FOXA3: variants seen among roughly 807,000 people sequenced by gnomAD.
FOXA3 encodes the protein hepatocyte nuclear factor 3-gamma.
In FOXA3, 11 loss-of-function variants were observed where a neutral mutation model predicts 16.9. The observed-to-expected ratio is 0.65, with a 90% confidence interval of 0.41 to 1.08. The LOEUF is 1.08. FOXA3 is among the 50% of genes least tolerant of loss of function. FOXA3 has a pLI of 0.00. For synonymous variants in FOXA3, 217 were observed against 203.3 expected, an observed-to-expected ratio of 1.07 and a Z score of -0.57; for missense variants, 423 against 470.1, an observed-to-expected ratio of 0.90 and a Z score of 0.93.
rs745900495 is a variant in FOXA3 at position 45,864,451 on chromosome 19, C to T, written c.-6C>T. ...GCGGGGGCGGGTGGGGGCGTAAGCC[C>T]GGGGGATGCTGGGCTCAGTGAAGAT... On this transcript the variant is annotated 5_prime_UTR_variant, in exon 1 of 2. Coordinates refer to ENST00000302177, the MANE Select transcript of FOXA3 (RefSeq NM_004497.3). 30 of 1,457,120 alleles carry T rather than the reference C, an allele frequency of 2.1e-5. No homozygotes were observed. Among genetic ancestry groups the T allele is most frequent in the Non-Finnish European group, 2.7e-5 (29 of 1,092,352 alleles). The allele number at this position is 1,457,120 out of a possible 1,614,324, so 90.3% of individuals were successfully genotyped here. A position where few individuals can be genotyped will look rare whatever the true frequency, so the allele number is the denominator to read the frequency against.
rs1966923619 is a variant in FOXA3, at chr19:45,872,861, C to T, written c.856C>T (p.Leu286=). 1.2e-6 allele frequency: 2 copies of T among 1,613,942 alleles called. No homozygotes were observed. The highest frequency in any genetic ancestry group is 1.7e-6 in the Non-Finnish European group (2 of 1,180,024). Residue 286 remains leucine (L), a synonymous_variant, in exon 2 of 2, where the codon CTG becomes TTG. Transcript: ENST00000302177. The surrounding 1 kb of genome is among the most constrained non-coding windows in gnomAD (Gnocchi z 4.5). ...TTCCTCCACACCCTATTTCACTGGC[C>T]TGGAGCTCCCAGGGGAGCTGAAGCT... is the stretch of plus-strand genomic sequence containing the variant. ...PASSTPYFTG[L]ELPGELKLDA... is the part of the protein sequence containing the mutation.
Position 45,864,483 on chromosome 19 carries a change from C to A in FOXA3, c.27C>A (p.Ala9=). The change falls in exon 1 of 2, where the codon GCC becomes GCA. Residue 9 remains alanine, a synonymous_variant. Coordinates refer to ENST00000302177, the MANE Select transcript of FOXA3 (RefSeq NM_004497.3). ...TGCTGGGCTCAGTGAAGATGGAGGC[C>A]CATGACCTGGCCGAGTGGAGCTACT... The part of the protein sequence containing the change: MLGSVKME[A]HDLAEWSYYP... 1 of 1,540,894 alleles carries A rather than the reference C, an allele frequency of 6.5e-7. No homozygotes were observed. The highest frequency in any genetic ancestry group is 8.8e-7 in the Non-Finnish European group (1 of 1,141,482).
At position 45,872,708 on chromosome 19, in the gene FOXA3, G is replaced by A. The variant is rs758978324; in HGVS notation, c.703G>A (p.Gly235Arg). The A allele has an allele frequency of 2.5e-6, 4 of 1,607,494 alleles. No homozygotes were observed. In the South Asian group the frequency reaches 4.4e-5, roughly 18 times the overall value. ...GAATTTRNGT[G>R]SAASTTTPAA... ...TGCCACCACCACCAGGAACGGGACAGGGTCTGCTGCCTCGACCACCACCCC... is the reference window on the plus strand; with the variant it reads ...TGCCACCACCACCAGGAACGGGACAAGGTCTGCTGCCTCGACCACCACCCC... The change falls in exon 2 of 2, where the codon GGG (glycine) becomes AGG (arginine). Residue 235 changes from glycine to arginine, a missense_variant. Physicochemically the swap from Gly to Arg is moderately radical, Grantham distance 125. This residue lies in a region of FOXA3 where 168 missense variants were observed against 179.3 expected (regional missense o/e 0.94). Transcript: ENST00000302177. This position sits in a 1 kb window ranked among gnomAD's most constrained non-coding sequence, Gnocchi z 4.5.
chr19:45,867,043 C>T (rs61703905), intron 1 of FOXA3, among the ~76,000 whole-genome samples: 15,364 of 152,168 alleles, frequency 0.1, 781 homozygotes, highest in African/African-American at 0.1. Context: ...AGGGGTTCAT[C>T]CCAGCCCCGG....
chr19:45,864,583 C>A, intron 1 of FOXA3, 58 bp downstream of exon 1: 1 of 1,387,242 alleles, frequency 7.2e-7, no homozygotes, highest in Non-Finnish European at 9.6e-7. Flanking sequence ...GGTGTGGGCT[C>A]ACATGGAGCA....
intron 1 of FOXA3, among the ~76,000 whole-genome samples, chr19:45,864,937 T>C (rs919354165): frequency 6.6e-6 from 1 of 151,744 alleles, no homozygotes; most frequent in Middle Eastern, 3.2e-3. Flanking sequence ...GACTAAAAGA[T>C]GGAGGAGGAG....
Position 45,873,101 on chromosome 19 carries a change from C to G in FOXA3, c.*43C>G. On this transcript the variant is annotated 3_prime_UTR_variant, in exon 2 of 2. Transcript: ENST00000302177. ...GTGGTGGGTATGGCTGGAGCTCACA[C>G]CACGAAGCTCTTGGGGCCTGATCCT... The G allele has an allele frequency of 6.4e-7, 1 of 1,556,708 alleles. No homozygotes were observed. Among genetic ancestry groups the G allele is most frequent in the Non-Finnish European group, 8.7e-7 (1 of 1,149,668 alleles).
Position 45,872,632 on chromosome 19 carries a change from C to T in FOXA3, c.627C>T (p.Arg209=), listed in dbSNP as rs1257239370. ...TTGAGAATGGCTGCTACCTGCGCCGCCAGAAACGCTTCAAGCTGGAGGAGA... is the reference window on the plus strand; with the variant it reads ...TTGAGAATGGCTGCTACCTGCGCCGTCAGAAACGCTTCAAGCTGGAGGAGA... ...NMFENGCYLR[R]QKRFKLEEKV... is the part of the protein sequence containing the mutation. Residue 209 remains arginine (R), a synonymous_variant, in exon 2 of 2, where the codon CGC becomes CGT. Transcript: ENST00000302177. The surrounding 1 kb of genome is among the most constrained non-coding windows in gnomAD (Gnocchi z 4.5). The T allele has an allele frequency of 6.2e-7, 1 of 1,613,914 alleles. No individual in the cohort carries two copies. The highest frequency in any genetic ancestry group is 8.5e-7 in the Non-Finnish European group (1 of 1,179,902).
In FOXA3 at chr19:45,865,015, G is replaced by A. The variant is rs1334030327; in HGVS notation, c.69+490G>A. Among the ~76,000 whole-genome samples the A allele has an allele frequency of 2.6e-5, 4 of 152,084 alleles. No homozygotes were observed. In the East Asian group the frequency reaches 7.7e-4, roughly 29 times the overall value. The stretch of plus-strand genomic sequence containing the variant: ...ACACAGTGTTAAAGAACCGGGGTTC[G>A]GGGCTAAGGATCAGCTGGTAATCTA... On this transcript the variant is annotated intron_variant, in intron 1 of 1. Coordinates refer to ENST00000302177, the MANE Select transcript of FOXA3 (RefSeq NM_004497.3).
chr19:45,865,233 G>T (rs1226559927), intron 1 of FOXA3, among the ~76,000 whole-genome samples: 1 of 152,048 alleles, frequency 6.6e-6, no homozygotes, highest in Non-Finnish European at 1.5e-5. Flanking sequence ...ACCCTCCGCA[G>T]GGACTCCCCA....
At chr19:45,865,336 T>A (rs1972074431) in intron 1 of FOXA3, among the ~76,000 whole-genome samples, 1 of 152,058 alleles carries the variant, frequency 6.6e-6, no homozygotes, top group South Asian at 2.1e-4. Flanking sequence ...CCATCCAGTC[T>A]CACCTCAGAC....
Position 45,873,029 on chromosome 19 carries a change from T to C in FOXA3, c.1024T>C (p.Tyr342His), listed in dbSNP as rs1183802230. ...GCCTGGAGTCTACTACCAGGGCCTC[T>C]ATTCCCGCTCTTTGCTTAATGCATC... Reference protein sequence around the residue: ...GEPGVYYQGLYSRSLLNAS With the variant: ...GEPGVYYQGLHSRSLLNAS Residue 342 changes from tyrosine (Y) to histidine (H), a missense_variant, in exon 2 of 2, where the codon TAT (tyrosine) becomes CAT (histidine). This residue lies in a region of FOXA3 where 168 missense variants were observed against 179.3 expected (regional missense o/e 0.94). Coordinates refer to ENST00000302177, the MANE Select transcript of FOXA3 (RefSeq NM_004497.3). 1 of 1,606,628 alleles carries C rather than the reference T, an allele frequency of 6.2e-7. No individual in the cohort carries two copies.
rs1166430332 is a variant in FOXA3, at chr19:45,873,243, A to G, written c.*185A>G. On this transcript the variant is annotated 3_prime_UTR_variant, in exon 2 of 2. Coordinates refer to ENST00000302177, the MANE Select transcript of FOXA3 (RefSeq NM_004497.3). ...TCCACGGGGTACTGTGATAACCACC[A>G]TGGATACATTTTGGTGGCCCACTGG... 9 of 940,970 alleles carry G rather than the reference A, an allele frequency of 9.6e-6. No homozygotes were observed. Among genetic ancestry groups the G allele is most frequent in the Non-Finnish European group, 1.4e-5 (9 of 641,062 alleles). 58.3% of individuals were successfully genotyped at this position (940,970 alleles called of 1,614,324 possible).
chr19:45,871,688 C>T (rs1156574756), intron 1 of FOXA3, among the ~76,000 whole-genome samples: 1 of 151,708 alleles, frequency 6.6e-6, no homozygotes, highest in Non-Finnish European at 1.5e-5. Context: ...GAGGTGAGAT[C>T]ACGCCACTGC....
At position 45,864,383 on chromosome 19, in the gene FOXA3, G is replaced by A; in HGVS notation, c.-74G>A. 1 of 1,242,762 alleles carries A rather than the reference G, an allele frequency of 8.0e-7. No individual in the cohort carries two copies. The highest frequency in any genetic ancestry group is 1.0e-6 in the Non-Finnish European group (1 of 966,960). 77.0% of individuals were successfully genotyped at this position (1,242,762 alleles called of 1,614,324 possible). A position where few individuals can be genotyped will look rare whatever the true frequency, so the allele number is the denominator to read the frequency against. On this transcript the variant is annotated 5_prime_UTR_variant, in exon 1 of 2. Transcript: ENST00000302177. ...GGGCGCCGGTGGGAGCTCGGGCCGTGCCCGCTGAGAGATCCAGAGCGCTCC... is the reference window on the plus strand; with the variant it reads ...GGGCGCCGGTGGGAGCTCGGGCCGTACCCGCTGAGAGATCCAGAGCGCTCC...
Position 45,872,239 on chromosome 19 carries a change from C to T in FOXA3, c.234C>T (p.Phe78=). Residue 78 remains phenylalanine (F), a synonymous_variant, in exon 2 of 2, where the codon TTC becomes TTT. Coordinates refer to ENST00000302177, the MANE Select transcript of FOXA3 (RefSeq NM_004497.3). The surrounding 1 kb of genome is among the most constrained non-coding windows in gnomAD (Gnocchi z 4.5). ...CTGCAGCCCCCCTGGGGCCCACTTT[C>T]CCAGGCCTGGGTGTCAGCGGTGGCA... ...PAPAAPLGPT[F]PGLGVSGGSS... 1 of 1,607,980 alleles carries T rather than the reference C, an allele frequency of 6.2e-7. No homozygotes were observed. The highest frequency in any genetic ancestry group is 8.5e-7 in the Non-Finnish European group (1 of 1,175,700).
intron 1 of FOXA3, among the ~76,000 whole-genome samples, chr19:45,868,444 G>A (rs1403584990): frequency 6.6e-6 from 1 of 152,114 alleles, no homozygotes; most frequent in Non-Finnish European, 1.5e-5. Context: ...GCTGAGTGTT[G>A]TGGTGCGTGC....
intron 1 of FOXA3, among the ~76,000 whole-genome samples, chr19:45,871,594 C>A (rs901533023): frequency 6.8e-6 from 1 of 147,656 alleles, no homozygotes; most frequent in African/African-American, 2.5e-5. Flanking sequence ...AAAAAGCTGG[C>A]GTGGTGGCAC....
intron 1 of FOXA3, 54 bp downstream of exon 1, chr19:45,864,579 G>A: frequency 7.1e-7 from 1 of 1,407,612 alleles, no homozygotes; most frequent in Non-Finnish European, 9.5e-7. Context: ...TCGGGGTGTG[G>A]GCTCACATGG....
Sources: gnomAD v4.1 joint callset for allele counts (sites outside exome capture counted in the v4.1 genomes callset) on GRCh38, gnomAD v4.1.1 for gene constraint, gnomAD v4.1.1 regional missense constraint, Gnocchi (gnomAD v3.1) non-coding constraint, MANE v1.5 for transcripts, NCBI Gene and HGNC (gene_info 2026-07-23, HGNC 2026-07-21) for gene names.